THSD4: variants seen among roughly 807,000 people sequenced by gnomAD.
THSD4 encodes the protein thrombospondin type-1 domain-containing protein 4.
A neutral mutation model predicts 119.0 loss-of-function variants in THSD4; 69 were observed. The observed-to-expected ratio is 0.58, with a 90% CI of 0.48 to 0.71. The LOEUF is 0.71. Ranked by LOEUF, THSD4 falls within the 30% of genes least tolerant of loss-of-function variation. THSD4 has a pLI of 0.00. For synonymous variants in THSD4, 524 were observed against 540.4 expected, an observed-to-expected ratio of 0.97 and a Z score of 0.42; for missense variants, 1,393 against 1,391.1, an observed-to-expected ratio of 1.00 and a Z score of -0.02.
At chr15:71,705,162 C>T (rs1226990635) in intron 8 of THSD4, among the ~76,000 whole-genome samples, 1 of 152,170 alleles carries the variant, frequency 6.6e-6, no homozygotes, top group African/African-American at 2.4e-5. Flanking sequence ...TGGAATTCTT[C>T]TACCCTTGCA....
chr15:71,319,627 T>C (rs990765153), intron 6 of THSD4, among the ~76,000 whole-genome samples: 1 of 152,116 alleles, frequency 6.6e-6, no homozygotes, highest in Non-Finnish European at 1.5e-5. Flanking sequence ...ATGTGCCACA[T>C]TTTCTTAATC....
At chr15:71,576,210 A>G (rs1275144243) in intron 7 of THSD4, among the ~76,000 whole-genome samples, 1 of 152,198 alleles carries the variant, frequency 6.6e-6, no homozygotes, top group African/African-American at 2.4e-5. Flanking sequence ...CAATATTCTG[A>G]AAACCTGTGG....
chr15:71,728,489 G>A, intron 8 of THSD4, 60 bp from the exon 9 acceptor site: 1 of 1,584,824 alleles, frequency 6.3e-7, no homozygotes, highest in Non-Finnish European at 8.6e-7. Context: ...GGGGGAGTCA[G>A]TTCTGTTTCT....
At chr15:71,410,862 T>A (rs775680219) in intron 6 of THSD4, among the ~76,000 whole-genome samples, 57 of 151,268 alleles carry the variant, frequency 3.8e-4, no homozygotes, top group Non-Finnish European at 7.4e-4. Flanking sequence ...TGAAACCCTG[T>A]CACTACTAAA....
At chr15:71,678,752 A>G (rs527696115) in intron 8 of THSD4, among the ~76,000 whole-genome samples, 2 of 152,268 alleles carry the variant, frequency 1.3e-5, no homozygotes, top group South Asian at 2.1e-4. Flanking sequence ...GCCAGACACT[A>G]TTCTCTGAAT....
chr15:71,754,616 A>T (rs375020088), intron 14 of THSD4, among the ~76,000 whole-genome samples: 107 of 152,364 alleles, frequency 7.0e-4, no homozygotes, highest in African/African-American at 2.5e-3. Context: ...ATATGCAAAT[A>T]GCAAAATAGC....
intron 6 of THSD4, among the ~76,000 whole-genome samples, chr15:71,337,760 GA>G (rs1555403699): frequency 6.6e-6 from 1 of 152,168 alleles, no homozygotes; most frequent in Non-Finnish European, 1.5e-5. Context: ...GAACCTAGTA[GA>G]GGCTGAGCCC....
At chr15:71,310,083 A>G (rs567958321) in intron 6 of THSD4, among the ~76,000 whole-genome samples, 8 of 152,320 alleles carry the variant, frequency 5.3e-5, no homozygotes, top group African/African-American at 1.9e-4. Context: ...TAATGCTAGT[A>G]TTAGGAGGTG....
intron 16 of THSD4, among the ~76,000 whole-genome samples, chr15:71,768,681 C>T (rs1350037627): frequency 4.7e-5 from 7 of 150,446 alleles, no homozygotes; most frequent in Admixed American, 4.6e-4. Flanking sequence ...TCTCCTGCCT[C>T]AGCCTCCCAA....
At chr15:71,219,847 C>G (rs1428093783) in intron 4 of THSD4, among the ~76,000 whole-genome samples, 1 of 152,206 alleles carries the variant, frequency 6.6e-6, no homozygotes, top group Non-Finnish European at 1.5e-5. Context: ...CAAAAGAGGT[C>G]TGCCAGAGTC....
intron 8 of THSD4, among the ~76,000 whole-genome samples, chr15:71,662,805 G>A (rs959053124): frequency 2.0e-5 from 3 of 152,074 alleles, no homozygotes; most frequent in African/African-American, 4.8e-5. Flanking sequence ...TTTCAGACTC[G>A]GCAGAGCCCC....
chr15:71,675,517 C>T (rs557042033), intron 8 of THSD4, among the ~76,000 whole-genome samples: 33 of 152,288 alleles, frequency 2.2e-4, no homozygotes, highest in Admixed American at 5.2e-4. Flanking sequence ...GTCGTGCTGG[C>T]TCTCCTGAGG....
chr15:71,716,581 T>TGTGTGTGTGTGTGTGTG (rs1567116002), intron 8 of THSD4, among the ~76,000 whole-genome samples: 4 of 43,330 alleles, frequency 9.2e-5, no homozygotes, highest in Admixed American at 4.5e-4. Context: ...TGTGTGTGTG[T>TGTGTGTGTGTGTGTGTG]TGGTTTTTGT....
At chr15:71,362,631 T>C (rs2045906604) in intron 6 of THSD4, among the ~76,000 whole-genome samples, 1 of 152,166 alleles carries the variant, frequency 6.6e-6, no homozygotes, top group African/African-American at 2.4e-5. Flanking sequence ...TTTTTAGTAT[T>C]CTTGAACTAT....
intron 1 of THSD4, among the ~76,000 whole-genome samples, chr15:71,121,932 A>G (rs943304309): frequency 1.3e-5 from 2 of 152,032 alleles, no homozygotes; most frequent in Non-Finnish European, 2.9e-5. Context: ...GATCAAATCC[A>G]ACCGTGCACA....
At chr15:71,116,362 T>C (rs1270973202) in intron 1 of THSD4, among the ~76,000 whole-genome samples, 1 of 152,242 alleles carries the variant, frequency 6.6e-6, no homozygotes, top group African/African-American at 2.4e-5. Flanking sequence ...ACCTTGGAGC[T>C]CTACAGATCT....
chr15:71,610,844 A>T (rs1286339576), intron 7 of THSD4, among the ~76,000 whole-genome samples: 1 of 152,162 alleles, frequency 6.6e-6, no homozygotes, highest in Non-Finnish European at 1.5e-5. Context: ...AGGGGCAGTT[A>T]TGTCATGGGA....
At chr15:71,478,513 A>G (rs2047682430) in intron 7 of THSD4, among the ~76,000 whole-genome samples, 1 of 152,240 alleles carries the variant, frequency 6.6e-6, no homozygotes, top group African/African-American at 2.4e-5. Flanking sequence ...GACTCCACCC[A>G]AAAGATGAAC....
chr15:71,561,254 G>A (rs560229113), intron 7 of THSD4, among the ~76,000 whole-genome samples: 3 of 152,236 alleles, frequency 2.0e-5, no homozygotes, highest in East Asian at 3.9e-4. Context: ...GATTACAGGC[G>A]TGAGCCACCG....
Sources: gnomAD v4.1 joint callset for allele counts (sites outside exome capture counted in the v4.1 genomes callset) on GRCh38, gnomAD v4.1.1 for gene constraint, MANE v1.5 for transcripts, NCBI Gene and HGNC (gene_info 2026-07-23, HGNC 2026-07-21) for gene names.